Variants in ERBB4 observed in about 807,000 individuals in gnomAD.
The protein encoded by ERBB4 is erb-b2 receptor tyrosine kinase 4.
A neutral mutation model predicts 158.0 loss-of-function variants in ERBB4; 42 were observed. The observed-to-expected ratio is 0.27, with a 90% CI of 0.21 to 0.34. The LOEUF is 0.34. Ranked by LOEUF, ERBB4 falls within the 10% of genes least tolerant of loss-of-function variation. ERBB4 has a pLI of 1.00. For missense variants in ERBB4, 1,333 were observed against 1,624.1 expected (o/e 0.82, Z 3.08); for synonymous variants, 583 against 558.7 (o/e 1.04, Z -0.61).
intron 19 of ERBB4, among the ~76,000 whole-genome samples, chr2:211,602,376 C>T (rs1057074459): frequency 6.6e-6 from 1 of 152,034 alleles, no homozygotes; most frequent in African/African-American, 2.4e-5. Flanking sequence ...TGGGCTCTAC[C>T]AGCAAGCCCC....
intron 1 of ERBB4, among the ~76,000 whole-genome samples, chr2:212,223,008 T>C (rs17345590): frequency 0.026 from 3,927 of 151,648 alleles, 71 homozygotes; most frequent in Non-Finnish European, 0.042. Context: ...TGCTTCTCTC[T>C]ACTTCATGCC....
intron 16 of ERBB4, among the ~76,000 whole-genome samples, chr2:211,653,378 C>T (rs2071076688): frequency 6.6e-6 from 1 of 152,008 alleles, no homozygotes; most frequent in African/African-American, 2.4e-5. Flanking sequence ...ACATTGTAGG[C>T]TTGGGAAAGA....
At chr2:212,509,775 G>A (rs986636483) in intron 1 of ERBB4, among the ~76,000 whole-genome samples, 1 of 151,922 alleles carries the variant, frequency 6.6e-6, no homozygotes. Context: ...ATTGTTCACT[G>A]ATTAAATTAT....
intron 5 of ERBB4, among the ~76,000 whole-genome samples, chr2:211,743,774 T>C (rs2074872447): frequency 6.6e-6 from 1 of 152,212 alleles, no homozygotes; most frequent in African/African-American, 2.4e-5. Context: ...TAAGCTGTGC[T>C]GTGGAGCAAT....
intron 2 of ERBB4, among the ~76,000 whole-genome samples, chr2:212,075,517 A>G (rs2078248207): frequency 6.6e-6 from 1 of 151,894 alleles, no homozygotes; most frequent in Non-Finnish European, 1.5e-5. Flanking sequence ...TGTGGGTAGT[A>G]TATCTCATTG....
chr2:211,537,810 A>T (rs2066696713), intron 20 of ERBB4, among the ~76,000 whole-genome samples: 1 of 151,958 alleles, frequency 6.6e-6, no homozygotes, highest in Admixed American at 6.6e-5. Flanking sequence ...ATTGAAGTTT[A>T]TTTCTTATTT....
At chr2:211,832,576 GTGTATA>G (rs935411117) in intron 3 of ERBB4, among the ~76,000 whole-genome samples, 2 of 150,698 alleles carry the variant, frequency 1.3e-5, no homozygotes, top group African/African-American at 4.9e-5. Context: ...GTATGTGTGT[GTGTATA>G]TATATATACA....
intron 1 of ERBB4, among the ~76,000 whole-genome samples, chr2:212,404,987 C>G (rs968485035): frequency 2.6e-5 from 4 of 152,022 alleles, no homozygotes; most frequent in Non-Finnish European, 5.9e-5. Flanking sequence ...TGATCTCATT[C>G]TTTTTTATGG....
intron 3 of ERBB4, among the ~76,000 whole-genome samples, chr2:211,843,987 G>A (rs10932406): frequency 0.22 from 33,030 of 151,922 alleles, 3,715 homozygotes; most frequent in South Asian, 0.33. Context: ...GGTTGAAGTG[G>A]ATTTTGAACT....
At chr2:211,958,756 TA>T (rs1268244325) in intron 2 of ERBB4, among the ~76,000 whole-genome samples, 1 of 152,116 alleles carries the variant, frequency 6.6e-6, no homozygotes, top group Non-Finnish European at 1.5e-5. Flanking sequence ...GATTTAAGAA[TA>T]ACATTCTCTT....
Position 212,476,153 on chromosome 2 carries a change from TCACA to T in ERBB4, c.82+62292_82+62295del, listed in dbSNP as rs59580011. ...TACATACTCTCTCTCTCTCTCTCTGTCACACACACACACACACACACACACCTTT... is the reference window on the plus strand; with the variant it reads ...TACATACTCTCTCTCTCTCTCTCTGTCACACACACACACACACACACCTTT... On this transcript the variant is annotated intron_variant, in intron 1 of 27. Coordinates refer to ENST00000342788, the MANE Select transcript of ERBB4 (RefSeq NM_005235.3). Among the ~76,000 whole-genome samples the T allele has an allele frequency of 1.6e-3, 224 of 144,256 alleles. 2 individuals carry two copies. Among genetic ancestry groups the T allele is most frequent in the Middle Eastern group, 0.011 (3 of 278 alleles). The allele number at this position is 144,256 out of a possible 152,430, so 94.6% of individuals were successfully genotyped here.
rs372690958 is a variant in ERBB4, at chr2:212,452,668, A to G, written c.82+85781T>C. ...ACACAAACAATATGTATAAAAATAG[A>G]GCTTAGAATCAGCATTTAAAACTGC... On this transcript the variant is annotated intron_variant, in intron 1 of 27. Coordinates refer to ENST00000342788, the MANE Select transcript of ERBB4 (RefSeq NM_005235.3). Among the ~76,000 whole-genome samples the G allele has an allele frequency of 3.9e-5, 6 of 152,296 alleles. No individual in the cohort carries two copies. The East Asian group carries it at 1.2e-3, about 29-fold the overall frequency.
rs529833038 is a variant in ERBB4, at chr2:211,615,310, G to A, written c.2301+3867C>T. Among the ~76,000 whole-genome samples, 10 of 151,418 alleles carry A rather than the reference G, an allele frequency of 6.6e-5. No homozygotes were observed. In the South Asian group the frequency reaches 2.1e-3, roughly 32 times the overall value. Reference sequence around the variant, plus strand: ...CAATAGCATCATTTCTTATGTATGTGTTCTGCACCATTTTGTGGATTTAAA... The same window carrying A: ...CAATAGCATCATTTCTTATGTATGTATTCTGCACCATTTTGTGGATTTAAA... On this transcript the variant is annotated intron_variant, in intron 19 of 27. Transcript: ENST00000342788.
chr2:212,046,681 G>C (rs2077269025), intron 2 of ERBB4, among the ~76,000 whole-genome samples: 1 of 152,156 alleles, frequency 6.6e-6, no homozygotes, highest in South Asian at 2.1e-4. Context: ...TTGCAATGGA[G>C]TGGGAAATCT....
intron 3 of ERBB4, among the ~76,000 whole-genome samples, chr2:211,936,588 G>C (rs184601440): frequency 1.3e-4 from 20 of 152,192 alleles, no homozygotes; most frequent in African/African-American, 4.8e-4. Flanking sequence ...AAAATAGTAA[G>C]AGAGCTAGAA....
At chr2:211,902,505 T>C (rs73073348) in intron 3 of ERBB4, among the ~76,000 whole-genome samples, 22,609 of 151,854 alleles carry the variant, frequency 0.15, 2,101 homozygotes, top group African/African-American at 0.26. Context: ...TTAAACACAT[T>C]ATTTTAAACT....
At chr2:211,567,685 T>C (rs979123631) in intron 19 of ERBB4, among the ~76,000 whole-genome samples, 1 of 152,032 alleles carries the variant, frequency 6.6e-6, no homozygotes, top group African/African-American at 2.4e-5. Flanking sequence ...AAATTGCTCA[T>C]CACACTACAA....
In ERBB4 at chr2:212,140,925, G is replaced by A. The variant is rs187260036; in HGVS notation, c.83-16022C>T. Among the ~76,000 whole-genome samples the A allele has an allele frequency of 2.2e-3, 333 of 150,622 alleles. 1 individual carries two copies. Among genetic ancestry groups the A allele is most frequent in the African/African-American group, 7.3e-3 (302 of 41,116 alleles). On this transcript the variant is annotated intron_variant, in intron 1 of 27. Coordinates refer to ENST00000342788, the MANE Select transcript of ERBB4 (RefSeq NM_005235.3). ...TTTAAGTTAATACCATAATTTCTGT[G>A]TATGCTCTAGGTTCTTTTCTAGTTC...
chr2:211,728,351 T>C lies in ERBB4; in HGVS notation c.623-3157A>G, dbSNP rs79649986. ...ATTTGATACACACATTATATATATA[T>C]ATATGATATGTACCCAAACAATTTG... On this transcript the variant is annotated intron_variant, in intron 5 of 27. Transcript: ENST00000342788. Among the ~76,000 whole-genome samples the C allele has an allele frequency of 4.3e-3, 659 of 151,908 alleles. 8 individuals carry two copies. The highest frequency in any genetic ancestry group is 0.015 in the African/African-American group (636 of 41,530).
Sources: allele counts gnomAD v4.1 joint callset (sites outside exome capture counted in the v4.1 genomes callset), GRCh38; gene constraint gnomAD v4.1.1; transcripts MANE v1.5; gene names NCBI Gene and HGNC (gene_info 2026-07-23, HGNC 2026-07-21).